DSCAM: variants seen among roughly 807,000 people sequenced by gnomAD.
The protein encoded by DSCAM is DS cell adhesion molecule.
A neutral mutation model predicts 217.7 loss-of-function variants in DSCAM; 47 were observed. The ratio of observed to expected loss-of-function variants is 0.22; its 90% confidence interval spans 0.17 to 0.28. The LOEUF (loss-of-function observed/expected upper bound fraction) is 0.28, where lower values mean the gene tolerates loss of function less well. Ranked by LOEUF, DSCAM falls within the 10% of genes least tolerant of loss-of-function variation. The pLI, the probability that DSCAM is intolerant of heterozygous loss-of-function variation, is 1.00. For synonymous variants in DSCAM, 1,056 were observed against 1,015.3 expected, an observed-to-expected ratio of 1.04 and a Z score of -0.76; for missense variants, 2,080 against 2,618.3, an observed-to-expected ratio of 0.79 and a Z score of 4.49.
chr21:40,266,669 AT>A lies in DSCAM; in HGVS notation c.2356+9427del, dbSNP rs61139794. 3.9e-4 allele frequency among the ~76,000 whole-genome samples: 51 copies of A among 132,230 alleles called. 1 individual carries two copies. The highest frequency in any genetic ancestry group is 1.4e-3 in the African/African-American group (45 of 31,782). 86.7% of individuals were successfully genotyped at this position (132,230 alleles called of 152,430 possible). A position where few individuals can be genotyped will look rare whatever the true frequency, so the allele number is the denominator to read the frequency against. ...TATATATATATATATATATATATAT[AT>A]AATCTTGAAATTTTATATATATAAA... On this transcript the variant is annotated intron_variant, in intron 11 of 32. Transcript: ENST00000400454.
chr21:40,353,499 T>A lies in DSCAM; in HGVS notation c.900A>T (p.Gly300=). Residue 300 remains glycine, a synonymous_variant, in exon 5 of 33, where the codon GGA becomes GGT. Coordinates refer to ENST00000400454, the MANE Select transcript of DSCAM (RefSeq NM_001389.5). The part of the protein sequence containing the change: ...SYVCEVSNRY[G]TAKVIGRLYV... Reference sequence around the variant, plus strand: ...ACAGGCGGCCTATCACCTTAGCAGTTCCGTATCTGTTGGACACTTCACAAA... The same window carrying A: ...ACAGGCGGCCTATCACCTTAGCAGTACCGTATCTGTTGGACACTTCACAAA... The A allele has an allele frequency of 6.2e-7, 1 of 1,611,440 alleles. No homozygotes were observed. Among genetic ancestry groups the A allele is most frequent in the East Asian group, 2.2e-5 (1 of 44,762 alleles).
intron 1 of DSCAM, among the ~76,000 whole-genome samples, chr21:40,724,460 G>A (rs1222227426): frequency 1.3e-5 from 2 of 152,156 alleles, no homozygotes; most frequent in African/African-American, 4.8e-5. Flanking sequence ...TAACAGAATT[G>A]CTTTCTGCAG....
At position 40,735,694 on chromosome 21, in the gene DSCAM, A is replaced by G. The variant is rs184513245; in HGVS notation, c.44-26923T>C. Among the ~76,000 whole-genome samples the G allele has an allele frequency of 2.6e-5, 4 of 152,344 alleles. No homozygotes were observed. The East Asian group carries it at 7.7e-4, about 29-fold the overall frequency. ...GGACAGATATTAACTAATGTATGAAAGATCACAAAGGCCACATGGCTAGAA... is the reference window on the plus strand; with the variant it reads ...GGACAGATATTAACTAATGTATGAAGGATCACAAAGGCCACATGGCTAGAA... On this transcript the variant is annotated intron_variant, in intron 1 of 32. Transcript: ENST00000400454.
chr21:40,710,450 T>C (rs1185620160), intron 1 of DSCAM, among the ~76,000 whole-genome samples: 1 of 152,240 alleles, frequency 6.6e-6, no homozygotes, highest in African/African-American at 2.4e-5. Context: ...GTACCATTTT[T>C]ATAACTGTTT....
In DSCAM at chr21:40,096,523, A is replaced by G. The variant is rs79813446; in HGVS notation, c.3697-2649T>C. ...AAGAGAATAAAAAAGTTAACAGGGC[A>G]TTAGTGAGCTATGGAAAAATATCAG... On this transcript the variant is annotated intron_variant, in intron 20 of 32. Coordinates refer to ENST00000400454, the MANE Select transcript of DSCAM (RefSeq NM_001389.5). 7.9e-4 allele frequency among the ~76,000 whole-genome samples: 121 copies of G among 152,318 alleles called. 2 individuals are homozygous for G. In the East Asian group the frequency reaches 0.02, roughly 25 times the overall value.
At chr21:40,562,792 G>C (rs2076730642) in intron 3 of DSCAM, among the ~76,000 whole-genome samples, 1 of 152,148 alleles carries the variant, frequency 6.6e-6, no homozygotes. Context: ...CCCTAAAAGG[G>C]AAAGAGGAAA....
At chr21:40,079,034 A>T (rs1469596807) in intron 25 of DSCAM, 57 bp from the exon 26 acceptor site, 1 of 1,567,956 alleles carries the variant, frequency 6.4e-7, no homozygotes, top group East Asian at 2.3e-5. Context: ...GGCCATCAGC[A>T]TCTTCACGCA....
At chr21:40,282,460 G>A (rs1330663319) in intron 10 of DSCAM, among the ~76,000 whole-genome samples, 1 of 151,336 alleles carries the variant, frequency 6.6e-6, no homozygotes, top group Non-Finnish European at 1.5e-5. Context: ...GCGTGGTAGC[G>A]GGCGCCTGTA....
intron 3 of DSCAM, among the ~76,000 whole-genome samples, chr21:40,589,694 A>T (rs932717762): frequency 2.0e-5 from 3 of 152,252 alleles, no homozygotes; most frequent in African/African-American, 7.2e-5. Flanking sequence ...CATTTTTGAA[A>T]TCATCTTTGG....
chr21:40,579,271 A>G lies in DSCAM; in HGVS notation c.508+113539T>C, dbSNP rs992357454. 2.5e-5 allele frequency among the ~76,000 whole-genome samples: 3 copies of G among 118,010 alleles called. No individual in the cohort carries two copies. In the Admixed American group the frequency reaches 2.9e-4, roughly 11 times the overall value. 77.4% of individuals were successfully genotyped at this position (118,010 alleles called of 152,430 possible). A position where few individuals can be genotyped will look rare whatever the true frequency, so the allele number is the denominator to read the frequency against. On this transcript the variant is annotated intron_variant, in intron 3 of 32. Coordinates refer to ENST00000400454, the MANE Select transcript of DSCAM (RefSeq NM_001389.5). ...AAATTAATTTGGATTCTGAAAGCAG[A>G]TCCAAAAAAAAACCTCAATAAAACT...
At position 40,661,507 on chromosome 21, in the gene DSCAM, G is replaced by A. The variant is rs541108314; in HGVS notation, c.508+31303C>T. On this transcript the variant is annotated intron_variant, in intron 3 of 32. Transcript: ENST00000400454. ...GTACCAGGCACAAGAATGACAGTGA[G>A]GATAAGAGAGACAACATCCCTATTT... 2.0e-5 allele frequency among the ~76,000 whole-genome samples: 3 copies of A among 152,228 alleles called. No individual in the cohort carries two copies. The East Asian group carries it at 5.8e-4, about 29-fold the overall frequency.
intron 14 of DSCAM, among the ~76,000 whole-genome samples, chr21:40,179,526 C>T (rs892591420): frequency 1.3e-5 from 2 of 152,128 alleles, no homozygotes; most frequent in Non-Finnish European, 1.5e-5. Context: ...TGGGCCCCCC[C>T]AAAATCCCTG....
chr21:40,530,480 C>T (rs1212956450), intron 3 of DSCAM, among the ~76,000 whole-genome samples: 1 of 152,172 alleles, frequency 6.6e-6, no homozygotes, highest in African/African-American at 2.4e-5. Flanking sequence ...TGCTCTATCC[C>T]ATTCTGTGTC....
intron 3 of DSCAM, among the ~76,000 whole-genome samples, chr21:40,417,715 A>G (rs554655915): frequency 6.6e-6 from 1 of 152,362 alleles, no homozygotes; most frequent in East Asian, 1.9e-4. Context: ...TTAACTTAGC[A>G]AATTATAATC....
intron 1 of DSCAM, among the ~76,000 whole-genome samples, chr21:40,810,026 C>T: frequency 6.6e-6 from 1 of 152,192 alleles, no homozygotes; most frequent in East Asian, 1.9e-4. Flanking sequence ...ACAGCCGTCC[C>T]CACCACCTGC....
intron 27 of DSCAM, among the ~76,000 whole-genome samples, chr21:40,067,517 TTC>T (rs1033315353): frequency 6.6e-5 from 10 of 152,254 alleles, no homozygotes; most frequent in African/African-American, 2.4e-4. Flanking sequence ...ACAGCATTTA[TTC>T]TGTCTGCATT....
At chr21:40,558,379 C>T (rs576704414) in intron 3 of DSCAM, among the ~76,000 whole-genome samples, 2 of 151,444 alleles carry the variant, frequency 1.3e-5, no homozygotes, top group South Asian at 2.1e-4. Flanking sequence ...ACCTGGGAGG[C>T]GGAGCTTGCA....
At chr21:40,026,247 T>G (rs1273833653) in intron 32 of DSCAM, among the ~76,000 whole-genome samples, 1 of 141,354 alleles carries the variant, frequency 7.1e-6, no homozygotes. Flanking sequence ...CAGTTTGTTA[T>G]AATTTCTGTT....
chr21:40,166,336 G>T (rs1045531833), intron 16 of DSCAM, among the ~76,000 whole-genome samples: 2 of 152,172 alleles, frequency 1.3e-5, no homozygotes, highest in Non-Finnish European at 2.9e-5. Context: ...AATTCAGAGC[G>T]GGGATAGTTA....
Sources: gnomAD v4.1 joint callset for allele counts (sites outside exome capture counted in the v4.1 genomes callset) on GRCh38, gnomAD v4.1.1 for gene constraint, MANE v1.5 for transcripts, NCBI Gene and HGNC (gene_info 2026-07-23, HGNC 2026-07-21) for gene names.